Variants in PCDHGB4 observed in about 807,000 individuals in gnomAD.
The protein encoded by PCDHGB4 is protocadherin gamma-B4.
Under a neutral mutation model 60.5 loss-of-function variants are expected in PCDHGB4, and 38 were observed. That is an observed-to-expected ratio of 0.63 (90% confidence interval 0.48 to 0.82). The LOEUF (loss-of-function observed/expected upper bound fraction) is 0.82, where lower values mean the gene tolerates loss of function less well. PCDHGB4 is among the 40% of genes least tolerant of loss of function. The pLI is 0.00. For synonymous variants in PCDHGB4, 456 were observed against 509.7 expected (o/e 0.89, Z 1.42); for missense variants, 1,109 against 1,209.6 (o/e 0.92, Z 1.23).
At chr5:141,510,677 A>G (rs2099882239) in intron 3 of PCDHGB4, among the ~76,000 whole-genome samples, 2 of 152,212 alleles carry the variant, frequency 1.3e-5, no homozygotes, top group African/African-American at 4.8e-5. Context: ...CTGAAGTGGC[A>G]TAAGGAGGTT....
intron 1 of PCDHGB4, chr5:141,441,078 G>T (rs1443239760): frequency 2.0e-5 from 3 of 152,140 alleles, no homozygotes; most frequent in Non-Finnish European, 4.4e-5. Context: ...CCATGGTTTT[G>T]GTAGCAAGTG....
chr5:141,500,184 T>TTTTTTTTATTTA (rs1554186429), intron 2 of PCDHGB4, among the ~76,000 whole-genome samples: 16 of 135,886 alleles, frequency 1.2e-4, no homozygotes, highest in African/African-American at 4.3e-4. Context: ...TCATTTTTAT[T>TTTTTTTTATTTA]TTTATTTATT....
intron 1 of PCDHGB4, chr5:141,399,064 A>G: frequency 1.2e-6 from 2 of 1,613,762 alleles, no homozygotes; most frequent in Non-Finnish European, 1.7e-6. Flanking sequence ...GGAATATTCA[A>G]TGGTTGTAGA....
chr5:141,422,871 G>A (rs769543752), intron 1 of PCDHGB4: 1 of 1,614,216 alleles, frequency 6.2e-7, no homozygotes, highest in Admixed American at 1.7e-5. Context: ...GCAACGTGTC[G>A]CTGAGCCTGT....
chr5:141,435,906 A>C (rs1246100275), intron 1 of PCDHGB4, among the ~76,000 whole-genome samples: 1 of 152,182 alleles, frequency 6.6e-6, no homozygotes, highest in African/African-American at 2.4e-5. Context: ...AAAGACATCC[A>C]AGGGCTCTAA....
At chr5:141,394,884 C>T (rs2093119839) in intron 1 of PCDHGB4, 2 of 1,613,902 alleles carry the variant, frequency 1.2e-6, no homozygotes, top group Non-Finnish European at 1.7e-6. Flanking sequence ...GAGCCTTACA[C>T]TCTATCTCGT....
chr5:141,422,131 G>T (rs747294750), intron 1 of PCDHGB4: 3 of 1,598,182 alleles, frequency 1.9e-6, no homozygotes, highest in Non-Finnish European at 2.6e-6. Context: ...AACTGGAGAA[G>T]TTCAAGTACG....
chr5:141,444,565 C>G (rs2098441175), intron 1 of PCDHGB4, among the ~76,000 whole-genome samples: 1 of 152,124 alleles, frequency 6.6e-6, no homozygotes, highest in Non-Finnish European at 1.5e-5. Flanking sequence ...TTATTTGACA[C>G]TTTTGACTCT....
chr5:141,401,353 AAGG>A (rs772220375), intron 1 of PCDHGB4, among the ~76,000 whole-genome samples: 7 of 152,166 alleles, frequency 4.6e-5, no homozygotes, highest in African/African-American at 7.2e-5. Flanking sequence ...AAAAAAAAGG[AAGG>A]AGAAGGAGAG....
At chr5:141,393,715 T>C in intron 1 of PCDHGB4, 1 of 1,613,746 alleles carries the variant, frequency 6.2e-7, no homozygotes, top group South Asian at 1.1e-5. Flanking sequence ...ACTGGGGAAA[T>C]ATCAATAGCA....
chr5:141,438,631 TATATAC>T (rs1271580663), intron 1 of PCDHGB4, among the ~76,000 whole-genome samples: 5,390 of 42,476 alleles, frequency 0.13, 146 homozygotes, highest in Non-Finnish European at 0.16. Context: ...TATATATATA[TATATAC>T]ACACACACAC....
intron 1 of PCDHGB4, among the ~76,000 whole-genome samples, chr5:141,450,685 C>T (rs542985781): frequency 6.6e-6 from 1 of 152,020 alleles, no homozygotes; most frequent in South Asian, 2.1e-4. Context: ...CGGGGTTTTG[C>T]CATGTTGCCC....
rs758993148 is a variant in PCDHGB4 at position 141,430,863 on chromosome 5, T to C, written c.2397+40582T>C. On this transcript the variant is annotated intron_variant, in intron 1 of 3. Transcript: ENST00000519479. Reference sequence around the variant, plus strand: ...GGATGCACCCAGATACGCTATTCAGTTCCGGAAGAGCTGGAGAAAGGCTCT... The same window carrying C: ...GGATGCACCCAGATACGCTATTCAGCTCCGGAAGAGCTGGAGAAAGGCTCT... 8 of 1,594,990 alleles carry C rather than the reference T, an allele frequency of 5.0e-6. No individual in the cohort carries two copies. In the South Asian group the frequency reaches 8.0e-5, roughly 16 times the overall value.
Position 141,477,540 on chromosome 5 carries a change from C to T in PCDHGB4, c.2398-17267C>T, listed in dbSNP as rs777796922. On this transcript the variant is annotated intron_variant, in intron 1 of 3. Coordinates refer to ENST00000519479, the MANE Select transcript of PCDHGB4 (RefSeq NM_003736.4). The surrounding 1 kb of genome is among the most constrained non-coding windows in gnomAD (Gnocchi z 4.9). Reference sequence around the variant, plus strand: ...GAAGAAAACAACCTCCCCGGGGCTCCAATACTAAACCTAAGTGTCTGGGAC... The same window carrying T: ...GAAGAAAACAACCTCCCCGGGGCTCTAATACTAAACCTAAGTGTCTGGGAC... The T allele has an allele frequency of 6.8e-6, 11 of 1,614,036 alleles. 1 individual carries two copies. Among genetic ancestry groups the T allele is most frequent in the African/African-American group, 2.7e-5 (2 of 74,920 alleles).
chr5:141,464,853 C>A (rs1441161135), intron 1 of PCDHGB4, among the ~76,000 whole-genome samples: 1 of 151,778 alleles, frequency 6.6e-6, no homozygotes, highest in East Asian at 1.9e-4. Flanking sequence ...ATCCTCCTAC[C>A]TTAGCCTCCC....
chr5:141,401,295 TCA>T (rs2094138879), intron 1 of PCDHGB4, among the ~76,000 whole-genome samples: 2 of 151,856 alleles, frequency 1.3e-5, no homozygotes, highest in Non-Finnish European at 2.9e-5. Flanking sequence ...TGAGCCGAGA[TCA>T]CTCCATTGCA....
At position 141,432,580 on chromosome 5, in the gene PCDHGB4, T is replaced by C. The variant is rs773087131; in HGVS notation, c.2397+42299T>C. 20 of 1,613,202 alleles carry C rather than the reference T, an allele frequency of 1.2e-5. No individual in the cohort carries two copies. The highest frequency in any genetic ancestry group is 4.0e-5 in the African/African-American group (3 of 74,662). On this transcript the variant is annotated intron_variant, in intron 1 of 3. Transcript: ENST00000519479. The surrounding 1 kb of genome is among the most constrained non-coding windows in gnomAD (Gnocchi z 6.0). ...GCCAGAACGCCTGGCTGTCCTACCG[T>C]CTGCTCAAGGCCAGCGAGCCGGGAC... is the stretch of plus-strand genomic sequence containing the variant.
Position 141,491,306 on chromosome 5 carries a change from A to G in PCDHGB4, c.2398-3501A>G. ...CTCATACACCCTCCTGAGCGTTCAGACCTTACCCTTTACCTCATTGTGGCT... is the reference window on the plus strand; with the variant it reads ...CTCATACACCCTCCTGAGCGTTCAGGCCTTACCCTTTACCTCATTGTGGCT... On this transcript the variant is annotated intron_variant, in intron 1 of 3. Coordinates refer to ENST00000519479, the MANE Select transcript of PCDHGB4 (RefSeq NM_003736.4). This position sits in a 1 kb window ranked among gnomAD's most constrained non-coding sequence, Gnocchi z 6.9. 1 of 1,614,032 alleles carries G rather than the reference A, an allele frequency of 6.2e-7. No individual in the cohort carries two copies. The highest frequency in any genetic ancestry group is 2.2e-5 in the East Asian group (1 of 44,872).
chr5:141,390,416 T>A, intron 1 of PCDHGB4, 135 bp downstream of exon 1: 2 of 1,124,674 alleles, frequency 1.8e-6, no homozygotes, highest in Non-Finnish European at 2.5e-6. Context: ...TGTAGTCAGT[T>A]AAAAAGCTGT....
Sources: gnomAD v4.1 joint callset for allele counts (sites outside exome capture counted in the v4.1 genomes callset) on GRCh38, gnomAD v4.1.1 for gene constraint, Gnocchi (gnomAD v3.1) non-coding constraint, MANE v1.5 for transcripts, NCBI Gene and HGNC (gene_info 2026-07-23, HGNC 2026-07-21) for gene names.